The following MEAK7 variants were observed in gnomAD, a reference collection of about 807,000 sequenced individuals.
MEAK7 encodes MTOR-associated protein MEAK7.
Under a neutral mutation model 40.5 loss-of-function variants are expected in MEAK7, and 68 were observed. The observed-to-expected ratio is 1.68, with a 90% CI of 1.38 to 2.06. The LOEUF (loss-of-function observed/expected upper bound fraction) is 2.06, where lower values mean the gene tolerates loss of function less well. Among genes scored for constraint, MEAK7 ranks in the 30% most tolerant of loss-of-function variants. The pLI is 0.00. For missense variants in MEAK7, 918 were observed against 580.5 expected (o/e 1.58, Z -5.98); for synonymous variants, 338 against 231.9 (o/e 1.46, Z -4.16).
intron 1 of MEAK7, among the ~76,000 whole-genome samples, chr16:84,499,518 C>T (rs1232044090): frequency 6.6e-6 from 1 of 152,212 alleles, no homozygotes; most frequent in Non-Finnish European, 1.5e-5. Context: ...TCTTTCTCTT[C>T]ATTGCGATGA....
intron 1 of MEAK7, among the ~76,000 whole-genome samples, chr16:84,501,416 C>T (rs1914495961): frequency 6.6e-6 from 1 of 152,154 alleles, no homozygotes; most frequent in South Asian, 2.1e-4. Flanking sequence ...CCCCAACTCC[C>T]ACTTTCTGCC....
chr16:84,486,648 A>T lies in MEAK7; in HGVS notation c.941T>A (p.Val314Glu). 1 of 1,608,142 alleles carries T rather than the reference A, an allele frequency of 6.2e-7. No homozygotes were observed. Among genetic ancestry groups the T allele is most frequent in the Middle Eastern group, 1.7e-4 (1 of 6,020 alleles). Residue 314 changes from valine to glutamate, a missense_variant, in exon 5 of 8, where the codon GTG becomes GAG. Physicochemically the swap from Val to Glu is moderately radical, Grantham distance 121. Coordinates refer to ENST00000343629, the MANE Select transcript of MEAK7 (RefSeq NM_020947.4). ...AGTCTTACCTTGAAACTGAGGCTTCACCTCCCAAGAGCAAGAGGCAAACCC... is the reference window on the plus strand; with the variant it reads ...AGTCTTACCTTGAAACTGAGGCTTCTCCTCCCAAGAGCAAGAGGCAAACCC... The part of the protein sequence containing the change: ...FGGFASCSWE[V>E]KPQFQGDNRC...
intron 1 of MEAK7, among the ~76,000 whole-genome samples, 181 bp downstream of exon 1, chr16:84,504,420 A>C (rs1209457513): frequency 7.2e-4 from 55 of 76,826 alleles, no homozygotes; most frequent in Middle Eastern, 5.1e-3. Flanking sequence ...CGCTGTCCCC[A>C]CCCCTCACCT....
chr16:84,495,911 G>T lies in MEAK7; in HGVS notation c.156C>A (p.Asn52Lys), dbSNP rs1261881970. The T allele has an allele frequency of 6.2e-7, 1 of 1,613,930 alleles. No individual in the cohort carries two copies. Among genetic ancestry groups the T allele is most frequent in the Non-Finnish European group, 8.5e-7 (1 of 1,180,008 alleles). The change falls in exon 3 of 8, where the codon AAC (asparagine) becomes AAA (lysine). Residue 52 changes from asparagine to lysine, a missense_variant and splice_region_variant. Asn to Lys is a moderately conservative substitution (Grantham distance 94). Transcript: ENST00000343629. ...SKSFSLKALQ[N>K]HVGEALPPEM... Reference sequence around the variant, plus strand: ...CTGGGGGAAGAGCTTCCCCGACGTGGTTCTGCCGGGGACAAGCAGAAAAAT... The same window carrying T: ...CTGGGGGAAGAGCTTCCCCGACGTGTTTCTGCCGGGGACAAGCAGAAAAAT...
Position 84,486,767 on chromosome 16 carries a change from G to C in MEAK7, c.822C>G (p.Leu274=). 1 of 1,614,024 alleles carries C rather than the reference G, an allele frequency of 6.2e-7. No homozygotes were observed. The highest frequency in any genetic ancestry group is 8.5e-7 in the Non-Finnish European group (1 of 1,179,892). The change falls in exon 5 of 8, where the codon CTC becomes CTG. Residue 274 remains leucine (L), a synonymous_variant. Transcript: ENST00000343629. Reference sequence around the variant, plus strand: ...AGAGCTGGGAGAAGCTGTGTCCATGGAGCTCAGACGAAAAGAGCAGGCACC... The same window carrying C: ...AGAGCTGGGAGAAGCTGTGTCCATGCAGCTCAGACGAAAAGAGCAGGCACC... ...HRWCLLFSSE[L]HGHSFSQLCG... is the part of the protein sequence containing the mutation.
At chr16:84,489,231 C>CCA (rs1567495502) in intron 4 of MEAK7, 47 bp downstream of exon 4, 1 of 1,597,648 alleles carries the variant, frequency 6.3e-7, no homozygotes, top group East Asian at 2.2e-5. Flanking sequence ...ACAGCAGGTA[C>CCA]CGCTCTACAG....
At chr16:84,501,774 C>T (rs1467246469) in intron 1 of MEAK7, among the ~76,000 whole-genome samples, 1 of 152,180 alleles carries the variant, frequency 6.6e-6, no homozygotes, top group Non-Finnish European at 1.5e-5. Flanking sequence ...TTAGTACCTG[C>T]AGAGTGCTGG....
chr16:84,492,210 T>A (rs1042660835), intron 3 of MEAK7, among the ~76,000 whole-genome samples: 6 of 152,208 alleles, frequency 3.9e-5, no homozygotes, highest in Admixed American at 2.6e-4. Context: ...AATATTAATA[T>A]CAAACATACA....
chr16:84,479,458 C>CA lies in MEAK7; in HGVS notation c.*454_*455insT, dbSNP rs1567482619. On this transcript the variant is annotated 3_prime_UTR_variant, in exon 8 of 8. Coordinates refer to ENST00000343629, the MANE Select transcript of MEAK7 (RefSeq NM_020947.4). The stretch of plus-strand genomic sequence containing the variant: ...TGCCAGCGGAATTCCCTAATGCCAG[C>CA]GGAATTCCCTAATGCCAGCGGAATT... 7.2e-6 allele frequency: 1 copy of CA among 139,222 alleles called. No individual in the cohort carries two copies. The highest frequency in any genetic ancestry group is 2.8e-5 in the African/African-American group (1 of 36,216). 8.6% of individuals were successfully genotyped at this position (139,222 alleles called of 1,614,324 possible).
rs756863014 is a variant in MEAK7 at position 84,486,691 on chromosome 16, C to G, written c.898G>C (p.Asp300His). 6.2e-7 allele frequency: 1 copy of G among 1,614,110 alleles called. No individual in the cohort carries two copies. Among genetic ancestry groups the G allele is most frequent in the Non-Finnish European group, 8.5e-7 (1 of 1,180,016 alleles). The change falls in exon 5 of 8, where the codon GAC becomes CAC. Residue 300 changes from aspartate (D) to histidine (H), a missense_variant. Asp to His is a moderately conservative substitution (Grantham distance 81, BLOSUM62 -1). Coordinates refer to ENST00000343629, the MANE Select transcript of MEAK7 (RefSeq NM_020947.4). ...GCAAACCCACCGAACACATGCTTGTCATGGTCCTCGAGGACAGCCACACAG... is the reference window on the plus strand; with the variant it reads ...GCAAACCCACCGAACACATGCTTGTGATGGTCCTCGAGGACAGCCACACAG... ...GPCVAVLEDHDKHVFGGFASC... is the reference protein window; with the variant it reads ...GPCVAVLEDHHKHVFGGFASC...
At chr16:84,500,532 C>G (rs548188509) in intron 1 of MEAK7, among the ~76,000 whole-genome samples, 19 of 152,284 alleles carry the variant, frequency 1.2e-4, no homozygotes, top group African/African-American at 4.6e-4. Context: ...CCCCTCTGCA[C>G]AGGAAGTCTC....
chr16:84,498,223 T>C (rs546280985), intron 1 of MEAK7, 112 bp from the exon 2 acceptor site: 18 of 1,265,468 alleles, frequency 1.4e-5, no homozygotes, highest in Non-Finnish European at 1.8e-5. Context: ...CCACAAAATG[T>C]AGCTAAAACA....
chr16:84,501,279 G>T (rs1204100400), intron 1 of MEAK7, among the ~76,000 whole-genome samples: 2 of 152,068 alleles, frequency 1.3e-5, no homozygotes, highest in Non-Finnish European at 2.9e-5. Context: ...CACGCACGGG[G>T]CATAAGCAAG....
At chr16:84,481,823 A>G (rs2150623755) in intron 6 of MEAK7, among the ~76,000 whole-genome samples, 1 of 152,266 alleles carries the variant, frequency 6.6e-6, no homozygotes, top group East Asian at 1.9e-4. Context: ...GGTCCCAGCT[A>G]CTTGGGAGGC....
At chr16:84,498,176 G>A in intron 1 of MEAK7, 65 bp from the exon 2 acceptor site, 8 of 1,505,314 alleles carry the variant, frequency 5.3e-6, no homozygotes, top group Admixed American at 4.5e-5. Context: ...AATAAATGTT[G>A]AGAATTATAT....
chr16:84,493,668 G>C (rs1176761795), intron 3 of MEAK7, among the ~76,000 whole-genome samples: 1 of 152,068 alleles, frequency 6.6e-6, no homozygotes, highest in Non-Finnish European at 1.5e-5. Context: ...GAAACTATTT[G>C]TGAGTATTCT....
chr16:84,480,212 C>G lies in MEAK7; in HGVS notation c.1258-186G>C, dbSNP rs560112097. Among the ~76,000 whole-genome samples, 9 of 152,282 alleles carry G rather than the reference C, an allele frequency of 5.9e-5. No homozygotes were observed. In the South Asian group the frequency reaches 1.9e-3, roughly 32 times the overall value. ...CAGGAGGTTCAGGGGCCAACAGCAA[C>G]TCAGGTGCAGAACCAGGGAAGCGGA... On this transcript the variant is annotated intron_variant, in intron 7 of 7. Transcript: ENST00000343629.
At chr16:84,492,015 A>G (rs1022890713) in intron 3 of MEAK7, among the ~76,000 whole-genome samples, 6 of 152,156 alleles carry the variant, frequency 3.9e-5, no homozygotes, top group Non-Finnish European at 7.3e-5. Flanking sequence ...ACTGAAAACA[A>G]TTAAAGCCTC....
At chr16:84,491,334 T>A (rs1267091499) in intron 3 of MEAK7, among the ~76,000 whole-genome samples, 1 of 150,890 alleles carries the variant, frequency 6.6e-6, no homozygotes, top group Non-Finnish European at 1.5e-5. Context: ...GGTTAGGAGG[T>A]CGCGACCAGC....
Sources: gnomAD v4.1 joint callset for allele counts (sites outside exome capture counted in the v4.1 genomes callset) on GRCh38, gnomAD v4.1.1 for gene constraint, MANE v1.5 for transcripts, NCBI Gene and HGNC (gene_info 2026-07-23, HGNC 2026-07-21) for gene names.